Variants in RANBP2 observed in about 807,000 individuals in gnomAD.
RANBP2 encodes the protein RAN binding protein 2, also known as E3 SUMO-protein ligase RanBP2.
Under a neutral mutation model 303.6 loss-of-function variants are expected in RANBP2, and 57 were observed. That is an observed-to-expected ratio of 0.19 (90% CI 0.15 to 0.23). RANBP2 has a LOEUF of 0.23. RANBP2 is among the 10% of genes least tolerant of loss of function. The pLI, the probability that RANBP2 is intolerant of heterozygous loss-of-function variation, is 1.00. For synonymous variants in RANBP2, 1,167 were observed against 1,301.5 expected (o/e 0.90, Z 2.23); for missense variants, 3,138 against 3,780.8 (o/e 0.83, Z 4.46).
the RANBP2 span, among the ~76,000 whole-genome samples, chr2:109,239,253 G>A: frequency 6.6e-6 from 1 of 152,216 alleles, no homozygotes; most frequent in South Asian, 2.1e-4. Flanking sequence ...GCTCACCTGG[G>A]TTTCTCACAT....
intron 17 of RANBP2, among the ~76,000 whole-genome samples, chr2:108,756,043 G>C (rs1676292398): frequency 6.6e-6 from 1 of 152,054 alleles, no homozygotes; most frequent in Non-Finnish European, 1.5e-5. Context: ...ATTTTTGAAA[G>C]TACTTTATGT....
chr2:109,320,380 T>C, the RANBP2 span, among the ~76,000 whole-genome samples: 2 of 152,092 alleles, frequency 1.3e-5, no homozygotes, highest in African/African-American at 4.8e-5. Flanking sequence ...AGGTACAACG[T>C]TTGATCTCAC....
the RANBP2 span, among the ~76,000 whole-genome samples, chr2:108,939,184 G>A: frequency 6.6e-6 from 1 of 151,984 alleles, no homozygotes; most frequent in Non-Finnish European, 1.5e-5. Flanking sequence ...TCCATTTGTT[G>A]TTGTTGTTTT....
chr2:109,478,703 G>A, the RANBP2 span, among the ~76,000 whole-genome samples: 1 of 152,140 alleles, frequency 6.6e-6, no homozygotes, highest in African/African-American at 2.4e-5. Flanking sequence ...GGGAGAGAGG[G>A]GGAGAGTCTG....
the RANBP2 span, among the ~76,000 whole-genome samples, chr2:109,578,277 C>T: frequency 6.6e-6 from 1 of 152,028 alleles, no homozygotes; most frequent in Non-Finnish European, 1.5e-5. Flanking sequence ...CAACAATATG[C>T]TCAATAAGAA....
At chr2:109,494,122 C>G in the RANBP2 span, among the ~76,000 whole-genome samples, 1 of 152,140 alleles carries the variant, frequency 6.6e-6, no homozygotes, top group Non-Finnish European at 1.5e-5. Flanking sequence ...TTCCCCAGAC[C>G]CCTCAACTTT....
the RANBP2 span, among the ~76,000 whole-genome samples, chr2:109,161,022 G>A: frequency 6.6e-6 from 1 of 152,138 alleles, no homozygotes; most frequent in Admixed American, 6.5e-5. Flanking sequence ...TAGCTTGGAT[G>A]TGAAGGCTGT....
chr2:109,552,044 C>T, the RANBP2 span, among the ~76,000 whole-genome samples: 5 of 152,192 alleles, frequency 3.3e-5, no homozygotes, highest in South Asian at 2.1e-4. Context: ...GCCTGAGCTC[C>T]GCCTACTGTC....
chr2:108,845,275 G>T, the RANBP2 span, among the ~76,000 whole-genome samples: 1 of 151,802 alleles, frequency 6.6e-6, no homozygotes, highest in Admixed American at 6.6e-5. Flanking sequence ...AGATTGCACT[G>T]CTTGTGTGTC....
the RANBP2 span, among the ~76,000 whole-genome samples, chr2:108,904,608 A>G: frequency 6.6e-6 from 1 of 152,244 alleles, no homozygotes; most frequent in Admixed American, 6.5e-5. Context: ...TGGTCCATTT[A>G]TGCCACAGAC....
the RANBP2 span, among the ~76,000 whole-genome samples, chr2:108,818,142 C>CA: frequency 8.6e-5 from 13 of 152,022 alleles, no homozygotes; most frequent in Non-Finnish European, 1.0e-4. Flanking sequence ...CCCATCTCTA[C>CA]AAAAAATACA....
the RANBP2 span, chr2:109,490,710 G>A: frequency 1.0e-4 from 154 of 1,534,196 alleles, no homozygotes; most frequent in Non-Finnish European, 1.3e-4. Flanking sequence ...CCAGGTGGCC[G>A]TGGACGCCCT....
chr2:108,786,731 G>C, downstream of RANBP2: 1 of 1,206,564 alleles, frequency 8.3e-7, no homozygotes, highest in Non-Finnish European at 1.2e-6. Context: ...CGGGGGGGCG[G>C]GGTCTGGCAC....
chr2:108,879,308 T>A, the RANBP2 span, among the ~76,000 whole-genome samples: 1 of 152,228 alleles, frequency 6.6e-6, no homozygotes, highest in Admixed American at 6.5e-5. Flanking sequence ...AATTCTTTTT[T>A]AAAATGGCTG....
the RANBP2 span, chr2:109,398,645 C>T: frequency 6.9e-6 from 11 of 1,602,092 alleles, no homozygotes; most frequent in African/African-American, 1.5e-4. Flanking sequence ...CCAGCCGCTG[C>T]ATCCAGCTGC....
chr2:108,970,773 T>C, the RANBP2 span, among the ~76,000 whole-genome samples: 1,521 of 152,314 alleles, frequency 1.0e-2, 35 homozygotes, highest in African/African-American at 0.035. Flanking sequence ...CCTGGAATTT[T>C]ACACCCTGAA....
At chr2:108,876,947 G>T in the RANBP2 span, among the ~76,000 whole-genome samples, 1 of 152,056 alleles carries the variant, frequency 6.6e-6, no homozygotes, top group South Asian at 2.1e-4. Context: ...AAGTAAAGGT[G>T]GTAAAACTTG....
chr2:109,300,387 T>C, the RANBP2 span, among the ~76,000 whole-genome samples: 1 of 151,618 alleles, frequency 6.6e-6, no homozygotes, highest in East Asian at 1.9e-4. Context: ...ACCACGTTGG[T>C]CAGGCTGGTC....
At chr2:108,743,967 G>T (rs1476630416) in intron 7 of RANBP2, among the ~76,000 whole-genome samples, 1 of 152,298 alleles carries the variant, frequency 6.6e-6, no homozygotes, top group South Asian at 2.1e-4. Context: ...TGTAGGTTAT[G>T]TGCTGGCATT....
Sources: gnomAD v4.1 joint callset for allele counts (sites outside exome capture counted in the v4.1 genomes callset) on GRCh38, gnomAD v4.1.1 for gene constraint, MANE v1.5 for transcripts, NCBI Gene and HGNC (gene_info 2026-07-23, HGNC 2026-07-21) for gene names.